The following YIPF1 variants were observed in gnomAD, a reference collection of about 807,000 sequenced individuals.
YIPF1 encodes protein YIPF1.
YIPF1 carries 22 observed loss-of-function variants against 37.0 expected under a neutral mutation model. The ratio of observed to expected loss-of-function variants is 0.59; its 90% CI spans 0.42 to 0.85. The LOEUF is 0.85. Among genes scored for constraint, YIPF1 ranks in the 40% least tolerant of loss-of-function variants. The pLI is 0.00. For synonymous variants in YIPF1, 128 were observed against 131.9 expected, an observed-to-expected ratio of 0.97 and a Z score of 0.21; for missense variants, 355 against 373.1, an observed-to-expected ratio of 0.95 and a Z score of 0.40.
At chr1:53,885,769 G>C (rs1436296482) in intron 3 of YIPF1, among the ~76,000 whole-genome samples, 2 of 145,680 alleles carry the variant, frequency 1.4e-5, no homozygotes, top group East Asian at 4.0e-4. Context: ...GCAATGATCT[G>C]AGATCATGTC....
chr1:53,876,187 A>T (rs1306617028), intron 6 of YIPF1, among the ~76,000 whole-genome samples: 1 of 152,038 alleles, frequency 6.6e-6, no homozygotes, highest in Non-Finnish European at 1.5e-5. Flanking sequence ...TTTATTGGCA[A>T]TTTTTTCCCC....
intron 9 of YIPF1, among the ~76,000 whole-genome samples, chr1:53,865,831 G>A (rs562916994): frequency 2.6e-5 from 4 of 152,076 alleles, no homozygotes; most frequent in East Asian, 1.9e-4. Flanking sequence ...CACCCAGGCC[G>A]GAGTACAGTG....
Position 53,889,451 on chromosome 1 carries a change from TCA to T in YIPF1, c.-259_-258del, listed in dbSNP as rs1437290041. 1 of 156,668 alleles carries T rather than the reference TCA, an allele frequency of 6.4e-6. No homozygotes were observed. Among genetic ancestry groups the T allele is most frequent in the Non-Finnish European group, 1.4e-5 (1 of 70,640 alleles). 9.7% of individuals were successfully genotyped at this position (156,668 alleles called of 1,614,324 possible). A position where few individuals can be genotyped will look rare whatever the true frequency, so the allele number is the denominator to read the frequency against. On this transcript the variant is annotated 5_prime_UTR_variant, in exon 2 of 11. The change abolishes the stop of an existing upstream ORF in the 5' untranslated region. Coordinates refer to ENST00000072644, the MANE Select transcript of YIPF1 (RefSeq NM_018982.5). Reference sequence around the variant, plus strand: ...TGCTGTATGCGCGCTCCTCGCGGCCTCAGTTTCCTCATCTGTAAAATGGGTGC... The same window carrying T: ...TGCTGTATGCGCGCTCCTCGCGGCCTGTTTCCTCATCTGTAAAATGGGTGC...
intron 9 of YIPF1, among the ~76,000 whole-genome samples, chr1:53,864,715 T>C (rs1332126824): frequency 6.6e-6 from 1 of 152,194 alleles, no homozygotes; most frequent in Non-Finnish European, 1.5e-5. Context: ...ACTCTGATTT[T>C]TTTTTCAAAA....
rs775207166 is a variant in YIPF1, at chr1:53,878,331, G to A, written c.348C>T (p.Ser116=). The change falls in exon 6 of 11, where the codon AGC becomes AGT. Residue 116 remains serine (S), a synonymous_variant. Transcript: ENST00000072644. ...GKNFVRLYIR[S]NPDLYGPFWI... is the part of the protein sequence containing the mutation. ...TAAACATACCATAGAGATCTGGATT[G>A]CTGCGGATATATAACCTCACAAAGT... 5 of 1,614,024 alleles carry A rather than the reference G, an allele frequency of 3.1e-6. No individual in the cohort carries two copies. The East Asian group carries it at 8.9e-5, about 29-fold the overall frequency.
intron 6 of YIPF1, among the ~76,000 whole-genome samples, chr1:53,878,114 C>T (rs552182748): frequency 1.3e-5 from 2 of 152,334 alleles, no homozygotes; most frequent in South Asian, 2.1e-4. Context: ...TATACTAGTA[C>T]TTGTAATGAT....
chr1:53,868,262 G>A (rs1298155404), intron 7 of YIPF1, among the ~76,000 whole-genome samples: 2 of 152,150 alleles, frequency 1.3e-5, no homozygotes, highest in Non-Finnish European at 2.9e-5. Flanking sequence ...CTGGGCATCA[G>A]GTATTACACT....
chr1:53,883,382 C>CTCAGCTTTG, intron 3 of YIPF1, 106 bp from the exon 4 acceptor site: 1 of 1,246,674 alleles, frequency 8.0e-7, no homozygotes, highest in Non-Finnish European at 1.0e-6. Context: ...TGCTATAGAC[C>CTCAGCTTTG]CTACCTGATA....
In YIPF1 at chr1:53,888,945, G is replaced by C. The variant is rs1216849444; in HGVS notation, c.-8C>G. On this transcript the variant is annotated 5_prime_UTR_variant, in exon 3 of 11. Coordinates refer to ENST00000072644, the MANE Select transcript of YIPF1 (RefSeq NM_018982.5). ...GTCATCTACTGCTGCCATTCGGCCA[G>C]TGAGTCTTCTCCCAATTATGAGGAA... 1.3e-6 allele frequency: 2 copies of C among 1,598,100 alleles called. No homozygotes were observed. The highest frequency in any genetic ancestry group is 8.6e-7 in the Non-Finnish European group (1 of 1,166,930).
chr1:53,884,153 C>T (rs757884091), intron 3 of YIPF1, among the ~76,000 whole-genome samples: 4 of 148,258 alleles, frequency 2.7e-5, no homozygotes, highest in East Asian at 2.1e-4. Flanking sequence ...GAGGACTGCT[C>T]GAGCCTCAGA....
intron 5 of YIPF1, 84 bp downstream of exon 5, chr1:53,878,558 G>C: frequency 6.7e-7 from 1 of 1,495,070 alleles, no homozygotes. Context: ...GTATATAAAG[G>C]CTTTCACATT....
intron 10 of YIPF1, among the ~76,000 whole-genome samples, chr1:53,855,314 G>A (rs1401775370): frequency 1.3e-5 from 2 of 151,758 alleles, no homozygotes; most frequent in Non-Finnish European, 2.9e-5. Flanking sequence ...ATCTGGATGC[G>A]GTCTCAAGCC....
chr1:53,869,160 T>TCTCTCTCTCACACACACA (rs911930860), intron 7 of YIPF1, among the ~76,000 whole-genome samples: 21 of 138,052 alleles, frequency 1.5e-4, no homozygotes, highest in African/African-American at 5.9e-4. Flanking sequence ...TCTCTCTCTC[T>TCTCTCTCTCACACACACA]CACACACACA....
At chr1:53,853,505 A>G (rs1168068898) in intron 10 of YIPF1, among the ~76,000 whole-genome samples, 1 of 152,202 alleles carries the variant, frequency 6.6e-6, no homozygotes, top group Admixed American at 6.5e-5. Context: ...TCCAGGGAAG[A>G]CTAAGGAATA....
At chr1:53,859,463 A>G (rs550747347) in intron 10 of YIPF1, among the ~76,000 whole-genome samples, 1 of 152,220 alleles carries the variant, frequency 6.6e-6, no homozygotes, top group African/African-American at 2.4e-5. Context: ...CAGGAGTTCA[A>G]GACCAGCCTG....
At chr1:53,862,399 T>C (rs1489669708) in intron 9 of YIPF1, among the ~76,000 whole-genome samples, 1 of 152,110 alleles carries the variant, frequency 6.6e-6, no homozygotes, top group East Asian at 1.9e-4. Context: ...ATCAGCAGGT[T>C]CTCTGTGAGT....
intron 4 of YIPF1, 49 bp from the exon 5 acceptor site, chr1:53,878,771 T>C (rs923995477): frequency 1.3e-6 from 2 of 1,552,926 alleles, no homozygotes; most frequent in South Asian, 1.2e-5. Context: ...AATTTCTTAA[T>C]TCCAGCTGCG....
At chr1:53,875,697 G>A (rs1222729302) in intron 6 of YIPF1, among the ~76,000 whole-genome samples, 1 of 152,134 alleles carries the variant, frequency 6.6e-6, no homozygotes, top group East Asian at 1.9e-4. Flanking sequence ...AGCCTCTTGA[G>A]GTTCTTTGAA....
intron 9 of YIPF1, among the ~76,000 whole-genome samples, chr1:53,862,941 C>A (rs1422742366): frequency 6.6e-6 from 1 of 152,138 alleles, no homozygotes; most frequent in Non-Finnish European, 1.5e-5. Context: ...TCTGGCTCAG[C>A]CCTTCTGCAG....
Sources: gnomAD v4.1 joint callset for allele counts (sites outside exome capture counted in the v4.1 genomes callset) on GRCh38, gnomAD v4.1.1 for gene constraint, MANE v1.5 for transcripts, NCBI Gene and HGNC (gene_info 2026-07-23, HGNC 2026-07-21) for gene names.